SLC3A1: variants seen among roughly 807,000 people sequenced by gnomAD.
SLC3A1 encodes the protein solute carrier family 3 member 1.
SLC3A1 carries 78 observed loss-of-function variants against 60.3 expected under a neutral mutation model. That is an observed-to-expected ratio of 1.29 (90% confidence interval 1.08 to 1.56). The LOEUF (loss-of-function observed/expected upper bound fraction) is 1.56, where lower values mean the gene tolerates loss of function less well. Among genes scored for constraint, SLC3A1 ranks in the 40% most tolerant of loss-of-function variants. SLC3A1 has a pLI of 0.00. For synonymous variants in SLC3A1, 392 were observed against 307.9 expected (o/e 1.27, Z -2.86); for missense variants, 1,172 against 858.9 (o/e 1.36, Z -4.56).
chr2:44,304,443 T>C, intron 7 of SLC3A1, 105 bp downstream of exon 7: 9 of 883,586 alleles, frequency 1.0e-5, no homozygotes. Flanking sequence ...CCATCACCTC[T>C]GCCTTATTTG....
chr2:44,300,195 T>C (rs1014806648), intron 5 of SLC3A1, 105 bp downstream of exon 5: 1 of 1,176,120 alleles, frequency 8.5e-7, no homozygotes, highest in Non-Finnish European at 1.3e-6. Flanking sequence ...AGTTTTGTCC[T>C]GTGTCTAGCA....
chr2:44,317,588 T>G (rs1238921374), intron 9 of SLC3A1: 1 of 152,514 alleles, frequency 6.6e-6, no homozygotes, highest in Non-Finnish European at 1.5e-5. Flanking sequence ...AGCATTGTTC[T>G]AGACATTGAG....
chr2:44,301,020 C>T lies in SLC3A1; in HGVS notation c.1029C>T (p.Tyr343=), dbSNP rs1179320575. The T allele has an allele frequency of 1.2e-6, 2 of 1,614,142 alleles. No homozygotes were observed. Among genetic ancestry groups the T allele is most frequent in the Non-Finnish European group, 1.7e-6 (2 of 1,180,020 alleles). Residue 343 remains tyrosine, a synonymous_variant, in exon 6 of 10, where the codon TAC becomes TAT. Transcript: ENST00000260649. ...KTQIPDTVTQ[Y]SELYHDFTTT... is the part of the protein sequence containing the mutation. The stretch of plus-strand genomic sequence containing the variant: ...TTTCAAAGGACACGGTCACACAATA[C>T]TCGGAGCTGTACCATGACTTCACCA...
chr2:44,297,478 C>T (rs1266462971), intron 4 of SLC3A1, among the ~76,000 whole-genome samples: 1 of 152,200 alleles, frequency 6.6e-6, no homozygotes, highest in Non-Finnish European at 1.5e-5. Flanking sequence ...CAAGCTCTAG[C>T]TCTTCCTTCT....
rs376444900 is a variant in SLC3A1, at chr2:44,279,994, T to C, written c.431-722T>C. ...ACCCTGCAAGTGCTCAGTAGCCACATGTGGCTCTTAGACAGAACAGTGCAG... is the reference window on the plus strand; with the variant it reads ...ACCCTGCAAGTGCTCAGTAGCCACACGTGGCTCTTAGACAGAACAGTGCAG... On this transcript the variant is annotated intron_variant, in intron 1 of 9. Transcript: ENST00000260649. 1.2e-4 allele frequency among the ~76,000 whole-genome samples: 19 copies of C among 152,310 alleles called. No homozygotes were observed. In the East Asian group the frequency reaches 3.7e-3, roughly 29 times the overall value.
In SLC3A1 at chr2:44,275,599, A is replaced by G. The variant is rs763813730; in HGVS notation, c.64A>G (p.Asn22Asp). 1 of 1,614,012 alleles carries G rather than the reference A, an allele frequency of 6.2e-7. No individual in the cohort carries two copies. Among genetic ancestry groups the G allele is most frequent in the Admixed American group, 1.7e-5 (1 of 60,016 alleles). The part of the protein sequence containing the change: ...EMSMKGCQTN[N>D]GFVHNEDILE... Reference sequence around the variant, plus strand: ...GAGTATGAAGGGATGCCAGACAAACAACGGGTTTGTCCATAATGAAGACAT... The same window carrying G: ...GAGTATGAAGGGATGCCAGACAAACGACGGGTTTGTCCATAATGAAGACAT... The change falls in exon 1 of 10, where the codon AAC becomes GAC. Residue 22 changes from asparagine to aspartate, a missense_variant. Physicochemically the swap from Asn to Asp is conservative, Grantham distance 23 (BLOSUM62 1). Coordinates refer to ENST00000260649, the MANE Select transcript of SLC3A1 (RefSeq NM_000341.4).
At chr2:44,307,983 A>T (rs1269219673) in intron 7 of SLC3A1, among the ~76,000 whole-genome samples, 2 of 152,088 alleles carry the variant, frequency 1.3e-5, no homozygotes, top group Non-Finnish European at 2.9e-5. Context: ...TGAAAAATCA[A>T]CTGATTGTAG....
At chr2:44,286,299 T>C in intron 4 of SLC3A1, 142 bp downstream of exon 4, 1 of 794,568 alleles carries the variant, frequency 1.3e-6, no homozygotes, top group South Asian at 1.5e-5. Flanking sequence ...TGAAACACTT[T>C]ATATTGCACA....
intron 9 of SLC3A1, chr2:44,314,218 T>C (rs1008436021): frequency 1.2e-5 from 10 of 806,186 alleles, no homozygotes; most frequent in East Asian, 2.7e-5. Flanking sequence ...GCCTTTGAGC[T>C]ATGAAGGAAA....
chr2:44,287,877 A>G, intron 4 of SLC3A1, among the ~76,000 whole-genome samples: 1 of 152,140 alleles, frequency 6.6e-6, no homozygotes. Flanking sequence ...TGCTGGAGTC[A>G]CTAGGGGCAC....
At chr2:44,286,188 AT>A in intron 4 of SLC3A1, 31 bp downstream of exon 4, 1 of 1,606,120 alleles carries the variant, frequency 6.2e-7, no homozygotes, top group Non-Finnish European at 8.5e-7. Context: ...AGACTTCTCC[AT>A]TAATGGAGGT....
At chr2:44,283,420 G>C (rs757044505) in intron 3 of SLC3A1, among the ~76,000 whole-genome samples, 1 of 152,156 alleles carries the variant, frequency 6.6e-6, no homozygotes, top group Non-Finnish European at 1.5e-5. Context: ...GCCAGGCTCT[G>C]TGCTAAGTGT....
At chr2:44,287,273 G>A (rs1671639963) in intron 4 of SLC3A1, among the ~76,000 whole-genome samples, 1 of 152,090 alleles carries the variant, frequency 6.6e-6, no homozygotes, top group African/African-American at 2.4e-5. Context: ...TATAAAGTGT[G>A]TAGGAGACAC....
downstream of SLC3A1, chr2:44,321,644 A>T: frequency 6.7e-7 from 1 of 1,500,322 alleles, no homozygotes; most frequent in Non-Finnish European, 8.9e-7. Context: ...TCACGTATCA[A>T]GTACAAGAGA....
chr2:44,279,316 G>T (rs778120396), intron 1 of SLC3A1, among the ~76,000 whole-genome samples: 4 of 151,912 alleles, frequency 2.6e-5, no homozygotes, highest in Non-Finnish European at 5.9e-5. Flanking sequence ...CCCTTTTTTA[G>T]ACATGCCCTG....
At chr2:44,321,797 C>T (rs780865811), downstream of SLC3A1, 2 of 1,613,808 alleles carry the variant, frequency 1.2e-6, no homozygotes, top group Non-Finnish European at 1.7e-6. Context: ...GTTCGGGAAT[C>T]TGTCCACTGA....
At chr2:44,306,183 C>T (rs970855791) in intron 7 of SLC3A1, among the ~76,000 whole-genome samples, 8 of 152,124 alleles carry the variant, frequency 5.3e-5, no homozygotes, top group Non-Finnish European at 1.2e-4. Context: ...CTGTTGTACC[C>T]CCACAATACC....
Position 44,285,811 on chromosome 2 carries a change from C to G in SLC3A1, c.766-221C>G, listed in dbSNP as rs1162094995. The G allele has an allele frequency of 4.4e-6, 3 of 676,586 alleles. No homozygotes were observed. The East Asian group carries it at 8.7e-5, about 20-fold the overall frequency. 41.9% of individuals were successfully genotyped at this position (676,586 alleles called of 1,614,324 possible). A position where few individuals can be genotyped will look rare whatever the true frequency, so the allele number is the denominator to read the frequency against. ...GGTTTGCTGTTGCAGTTGTTACAAA[C>G]AGCATCTACTGTAAAAATACGTTGC... On this transcript the variant is annotated intron_variant, in intron 3 of 9. Coordinates refer to ENST00000260649, the MANE Select transcript of SLC3A1 (RefSeq NM_000341.4).
intron 2 of SLC3A1, 61 bp from the exon 3 acceptor site, chr2:44,281,326 C>G: frequency 1.4e-6 from 2 of 1,445,872 alleles, no homozygotes; most frequent in Non-Finnish European, 1.9e-6. Flanking sequence ...TGTGCCTGGC[C>G]TGTCATATGT....
Sources: allele counts gnomAD v4.1 joint callset (sites outside exome capture counted in the v4.1 genomes callset), GRCh38; gene constraint gnomAD v4.1.1; transcripts MANE v1.5; gene names NCBI Gene and HGNC (gene_info 2026-07-23, HGNC 2026-07-21).